Variants in ILRUN observed in about 807,000 individuals in gnomAD.
ILRUN encodes the protein protein ILRUN.
ILRUN carries 3 observed loss-of-function variants against 33.8 expected under a neutral mutation model. The ratio of observed to expected loss-of-function variants is 0.09; its 90% CI spans 0.04 to 0.23. ILRUN has a LOEUF of 0.23. ILRUN is among the 10% of genes least tolerant of loss of function. The pLI, the probability that ILRUN is intolerant of heterozygous loss-of-function variation, is 1.00. For missense variants in ILRUN, 210 were observed against 375.1 expected, an observed-to-expected ratio of 0.56 and a Z score of 3.64; for synonymous variants, 124 against 138.9, an observed-to-expected ratio of 0.89 and a Z score of 0.75.
chr6:34,683,499 C>T lies in ILRUN; in HGVS notation c.158+12947G>A, dbSNP rs9766211. Among the ~76,000 whole-genome samples the T allele has an allele frequency of 4.1e-3, 346 of 84,472 alleles. 9 individuals carry two copies. The highest frequency in any genetic ancestry group is 0.018 in the African/African-American group (286 of 15,480). The allele number at this position is 84,472 out of a possible 152,430, so 55.4% of individuals were successfully genotyped here. On this transcript the variant is annotated intron_variant, in intron 1 of 4. Coordinates refer to ENST00000374023, the MANE Select transcript of ILRUN (RefSeq NM_024294.4). The stretch of plus-strand genomic sequence containing the variant: ...ACATATATATATACATATATATATA[C>T]ATATATATATATATACATATATATA...
chr6:34,696,224 C>A (rs1763769181), intron 1 of ILRUN: 2 of 528,082 alleles, frequency 3.8e-6, no homozygotes, highest in Non-Finnish European at 6.7e-6. Flanking sequence ...CATCTCCCTT[C>A]CGCCCCTCCT....
At position 34,686,425 on chromosome 6, in the gene ILRUN, A is replaced by G. The variant is rs1407349661; in HGVS notation, c.158+10021T>C. Among the ~76,000 whole-genome samples the G allele has an allele frequency of 1.5e-3, 219 of 149,128 alleles. 1 individual carries two copies. In the East Asian group the frequency reaches 0.023, roughly 16 times the overall value. ...TGAGGCAGGAGAATGGCGTGAACCC[A>G]GGAGGCGGAGCTTGCAGTGAGCCGA... On this transcript the variant is annotated intron_variant, in intron 1 of 4. Coordinates refer to ENST00000374023, the MANE Select transcript of ILRUN (RefSeq NM_024294.4).
intron 4 of ILRUN, 33 bp downstream of exon 4, chr6:34,606,522 C>T (rs1355001035): frequency 1.3e-6 from 2 of 1,569,306 alleles, no homozygotes; most frequent in Admixed American, 1.7e-5. Context: ...CAAGGCCCAC[C>T]ACCTACCCCT....
chr6:34,640,567 G>A (rs9461993), intron 3 of ILRUN, among the ~76,000 whole-genome samples: 24,144 of 151,756 alleles, frequency 0.16, 2,530 homozygotes, highest in African/African-American at 0.29. Context: ...AAAATTAGCC[G>A]GGTGTGGTGG....
intron 3 of ILRUN, among the ~76,000 whole-genome samples, chr6:34,633,883 G>C (rs1475280834): frequency 3.1e-5 from 1 of 31,832 alleles, no homozygotes; most frequent in Non-Finnish European, 5.5e-5. Flanking sequence ...GAGGGAGAGA[G>C]GGAGGGAGGG....
intron 3 of ILRUN, chr6:34,616,779 T>G: frequency 1.4e-6 from 1 of 692,670 alleles, no homozygotes; most frequent in Non-Finnish European, 2.6e-6. Flanking sequence ...GAACTCAAAT[T>G]GGCATTTATC....
At chr6:34,594,644 C>T (rs771544686) in intron 4 of ILRUN, among the ~76,000 whole-genome samples, 5 of 152,138 alleles carry the variant, frequency 3.3e-5, no homozygotes, top group Non-Finnish European at 7.4e-5. Context: ...TAGGTATGAG[C>T]GTGGGGACCT....
At chr6:34,604,559 C>T (rs1031280465) in intron 4 of ILRUN, among the ~76,000 whole-genome samples, 7 of 152,176 alleles carry the variant, frequency 4.6e-5, no homozygotes, top group Admixed American at 2.0e-4. Context: ...CCATTAAACC[C>T]AACAGACTGA....
At chr6:34,670,918 T>C (rs1266786784) in intron 1 of ILRUN, among the ~76,000 whole-genome samples, 2 of 150,996 alleles carry the variant, frequency 1.3e-5, no homozygotes, top group Non-Finnish European at 2.9e-5. Flanking sequence ...GTGCTTCTAA[T>C]TGCAGATTAC....
intron 3 of ILRUN, chr6:34,617,015 G>T: frequency 1.9e-6 from 1 of 537,038 alleles, no homozygotes; most frequent in Non-Finnish European, 3.6e-6. Context: ...GAAGTGAGTT[G>T]CTCTGACAGA....
rs71000079 is a variant in ILRUN at position 34,673,832 on chromosome 6, TACACAC to T, written c.159-19059_159-19054del. Among the ~76,000 whole-genome samples, 383 of 111,284 alleles carry T rather than the reference TACACAC, an allele frequency of 3.4e-3. 5 individuals carry two copies. The highest frequency in any genetic ancestry group is 0.013 in the African/African-American group (356 of 27,786). 73.0% of individuals were successfully genotyped at this position (111,284 alleles called of 152,430 possible). ...TGTCTCAAAAACAGTAACAACCACATACACACACACACACACACACACACACGCTGG... is the reference window on the plus strand; with the variant it reads ...TGTCTCAAAAACAGTAACAACCACATACACACACACACACACACACGCTGG... On this transcript the variant is annotated intron_variant, in intron 1 of 4. Coordinates refer to ENST00000374023, the MANE Select transcript of ILRUN (RefSeq NM_024294.4).
chr6:34,653,152 G>A (rs140792077), intron 2 of ILRUN, among the ~76,000 whole-genome samples: 46 of 110,498 alleles, frequency 4.2e-4, no homozygotes, highest in South Asian at 1.3e-3. Flanking sequence ...AAAAAAAAAA[G>A]AAAAAGAAAG....
chr6:34,636,871 A>T (rs1762376226), intron 3 of ILRUN, among the ~76,000 whole-genome samples: 1 of 152,214 alleles, frequency 6.6e-6, no homozygotes. Flanking sequence ...ATCACACAAC[A>T]ATTCAGTGAA....
At chr6:34,691,048 C>G (rs543350912) in intron 1 of ILRUN, among the ~76,000 whole-genome samples, 6 of 152,066 alleles carry the variant, frequency 3.9e-5, no homozygotes, top group African/African-American at 1.2e-4. Flanking sequence ...CCAGGCCTGG[C>G]TAATTTTTTT....
intron 1 of ILRUN, among the ~76,000 whole-genome samples, chr6:34,671,462 A>G (rs1435445276): frequency 6.6e-6 from 1 of 152,250 alleles, no homozygotes; most frequent in Non-Finnish European, 1.5e-5. Context: ...AACCATCTAC[A>G]GTTTGTTCTT....
At chr6:34,675,211 G>A (rs1763203084) in intron 1 of ILRUN, among the ~76,000 whole-genome samples, 1 of 152,074 alleles carries the variant, frequency 6.6e-6, no homozygotes. Context: ...AACCTGGGAG[G>A]CAGAGGTTGC....
chr6:34,593,171 C>T (rs1434073968), intron 4 of ILRUN, among the ~76,000 whole-genome samples: 1 of 151,986 alleles, frequency 6.6e-6, no homozygotes, highest in East Asian at 1.9e-4. Context: ...AGAGTAAGAC[C>T]TTCTCTCTTA....
chr6:34,602,922 GT>G (rs1761542327), intron 4 of ILRUN, among the ~76,000 whole-genome samples: 1 of 152,190 alleles, frequency 6.6e-6, no homozygotes, highest in East Asian at 1.9e-4. Flanking sequence ...CAGGGTGTCT[GT>G]TTCCTGGCAC....
At chr6:34,607,188 C>T (rs1197350776) in intron 3 of ILRUN, among the ~76,000 whole-genome samples, 1 of 152,134 alleles carries the variant, frequency 6.6e-6, no homozygotes, top group Non-Finnish European at 1.5e-5. Flanking sequence ...GCCAATGCAC[C>T]GTCATCTTTG....
Sources: allele counts gnomAD v4.1 joint callset (sites outside exome capture counted in the v4.1 genomes callset), GRCh38; gene constraint gnomAD v4.1.1; transcripts MANE v1.5; gene names NCBI Gene and HGNC (gene_info 2026-07-23, HGNC 2026-07-21).